The following UBE2H variants were observed in gnomAD, a reference collection of about 807,000 sequenced individuals.
The protein encoded by UBE2H is ubiquitin-conjugating enzyme E2 H.
A neutral mutation model predicts 29.0 loss-of-function variants in UBE2H; 3 were observed. The observed-to-expected ratio is 0.10, with a 90% CI of 0.05 to 0.27. The LOEUF is 0.27. UBE2H is among the 10% of genes least tolerant of loss of function. The probability of loss-of-function intolerance (pLI) is 1.00; values close to 1 mark genes in which losing one functional copy is unlikely to be tolerated. For missense variants in UBE2H, 68 were observed against 228.2 expected, an observed-to-expected ratio of 0.30 and a Z score of 4.52; for synonymous variants, 69 against 82.9, an observed-to-expected ratio of 0.83 and a Z score of 0.91.
chr7:129,838,127 G>A (rs1180147986), intron 6 of UBE2H, among the ~76,000 whole-genome samples: 1 of 152,114 alleles, frequency 6.6e-6, no homozygotes, highest in East Asian at 1.9e-4. Context: ...TGTTTGCTTA[G>A]CTATATATTT....
chr7:129,886,765 G>GTTTTTTTTT (rs1806369492), intron 1 of UBE2H, among the ~76,000 whole-genome samples: 1 of 58,222 alleles, frequency 1.7e-5, no homozygotes, highest in African/African-American at 7.1e-5. Flanking sequence ...TTTGTTTTTT[G>GTTTTTTTTT]GTAAAAAAAA....
chr7:129,835,106 G>C (rs781253458), intron 6 of UBE2H, 45 bp from the exon 7 acceptor site: 9 of 1,611,352 alleles, frequency 5.6e-6, no homozygotes, highest in Non-Finnish European at 7.6e-6. Flanking sequence ...GAGTGGGCAG[G>C]CATGTGCTTT....
intron 1 of UBE2H, among the ~76,000 whole-genome samples, chr7:129,925,668 G>A (rs1584790047): frequency 6.6e-6 from 1 of 152,062 alleles, no homozygotes; most frequent in Admixed American, 6.6e-5. Context: ...TGTGTAGGGA[G>A]GGACACTCAG....
intron 1 of UBE2H, among the ~76,000 whole-genome samples, chr7:129,946,808 A>G (rs1219940558): frequency 6.6e-6 from 1 of 152,172 alleles, no homozygotes; most frequent in African/African-American, 2.4e-5. Context: ...TTATCTTTTT[A>G]CTTTTGAAAT....
intron 1 of UBE2H, among the ~76,000 whole-genome samples, chr7:129,944,515 G>A (rs1186059368): frequency 6.6e-6 from 1 of 152,106 alleles, no homozygotes. Flanking sequence ...CAGCACTTTG[G>A]GAGGCCAAGG....
chr7:129,849,147 T>G (rs1029675484), intron 5 of UBE2H, among the ~76,000 whole-genome samples: 1 of 110,076 alleles, frequency 9.1e-6, no homozygotes, highest in Non-Finnish European at 2.0e-5. Context: ...GCAGTTGTTA[T>G]TTTTGAAAAA....
At chr7:129,873,850 C>T (rs919767803) in intron 3 of UBE2H, among the ~76,000 whole-genome samples, 3 of 152,162 alleles carry the variant, frequency 2.0e-5, no homozygotes, top group Admixed American at 6.6e-5. Context: ...AACCATTTCT[C>T]TTACCTTCCC....
intron 1 of UBE2H, among the ~76,000 whole-genome samples, chr7:129,948,415 A>C (rs1406110244): frequency 6.6e-6 from 1 of 152,212 alleles, no homozygotes; most frequent in Non-Finnish European, 1.5e-5. Flanking sequence ...TTTTAATGTA[A>C]GACACCGTCC....
At position 129,944,744 on chromosome 7, in the gene UBE2H, ACACACACG is replaced by A. The variant is rs1316118485; in HGVS notation, c.53+7751_53+7758del. On this transcript the variant is annotated intron_variant, in intron 1 of 6. Transcript: ENST00000355621. ...CACACACACACACACACACACACACACACACACGCACGCACGCACGCGCATGCGCAAAC... is the reference window on the plus strand; with the variant it reads ...CACACACACACACACACACACACACACACGCACGCACGCGCATGCGCAAAC... Among the ~76,000 whole-genome samples the A allele has an allele frequency of 2.4e-3, 338 of 138,588 alleles. 1 individual carries two copies. The highest frequency in any genetic ancestry group is 8.4e-3 in the African/African-American group (319 of 37,952). 90.9% of individuals were successfully genotyped at this position (138,588 alleles called of 152,430 possible).
intron 1 of UBE2H, among the ~76,000 whole-genome samples, chr7:129,882,246 T>C (rs1337933813): frequency 6.6e-6 from 1 of 152,170 alleles, no homozygotes; most frequent in East Asian, 1.9e-4. Context: ...TGATTCTCAG[T>C]AGGAATTTTA....
intron 1 of UBE2H, among the ~76,000 whole-genome samples, chr7:129,934,432 G>A (rs1246655796): frequency 1.3e-5 from 2 of 151,940 alleles, no homozygotes; most frequent in African/African-American, 4.8e-5. Flanking sequence ...GAGGTCAGGA[G>A]TTCAAGACCA....
intron 3 of UBE2H, among the ~76,000 whole-genome samples, chr7:129,873,261 C>T (rs886893985): frequency 1.3e-5 from 2 of 151,816 alleles, no homozygotes; most frequent in African/African-American, 4.8e-5. Context: ...CCTCGTGATC[C>T]ACCCGCCTCA....
chr7:129,855,405 C>G (rs1434921041), intron 5 of UBE2H, among the ~76,000 whole-genome samples: 1 of 152,172 alleles, frequency 6.6e-6, no homozygotes, highest in Non-Finnish European at 1.5e-5. Flanking sequence ...TTCCAGGCAG[C>G]CTGCCATGAG....
At chr7:129,840,758 G>A (rs1172626979) in intron 5 of UBE2H, among the ~76,000 whole-genome samples, 4 of 152,164 alleles carry the variant, frequency 2.6e-5, no homozygotes, top group Non-Finnish European at 5.9e-5. Flanking sequence ...TGTTTCTGGA[G>A]ACAATGCTGA....
intron 1 of UBE2H, among the ~76,000 whole-genome samples, chr7:129,883,101 G>T (rs144976224): frequency 2.2e-3 from 329 of 152,306 alleles, no homozygotes; most frequent in Admixed American, 7.1e-3. Context: ...AGTTTAAAAA[G>T]ATATTTCTTC....
intron 1 of UBE2H, among the ~76,000 whole-genome samples, chr7:129,909,804 G>A (rs1806893392): frequency 6.6e-6 from 1 of 152,150 alleles, no homozygotes; most frequent in Non-Finnish European, 1.5e-5. Context: ...ACAGTTCTAG[G>A]ATCTAGGGAC....
rs1225177558 is a variant in UBE2H at position 129,833,377 on chromosome 7, T to C, written c.*1560A>G. On this transcript the variant is annotated 3_prime_UTR_variant, in exon 7 of 7. Coordinates refer to ENST00000355621, the MANE Select transcript of UBE2H (RefSeq NM_003344.4). ...CAGTGGGATGCTCAAAAATCGTCTT[T>C]AGAAGGTTTTAGGATTGGCTAATTC... 1 of 152,548 alleles carries C rather than the reference T, an allele frequency of 6.6e-6. No individual in the cohort carries two copies. Among genetic ancestry groups the C allele is most frequent in the African/African-American group, 2.4e-5 (1 of 41,460 alleles). 9.4% of individuals were successfully genotyped at this position (152,548 alleles called of 1,614,324 possible).
chr7:129,935,381 C>A (rs1243313438), intron 1 of UBE2H, among the ~76,000 whole-genome samples: 1 of 150,128 alleles, frequency 6.7e-6, no homozygotes, highest in Non-Finnish European at 1.5e-5. Flanking sequence ...CCACTGCACT[C>A]CAGCCTGGGC....
chr7:129,926,366 C>G (rs1006832563), intron 1 of UBE2H, among the ~76,000 whole-genome samples: 1 of 151,776 alleles, frequency 6.6e-6, no homozygotes, highest in Non-Finnish European at 1.5e-5. Flanking sequence ...AAAATTAGCC[C>G]AGTGTGGTGG....
Sources: gnomAD v4.1 joint callset for allele counts (sites outside exome capture counted in the v4.1 genomes callset) on GRCh38, gnomAD v4.1.1 for gene constraint, MANE v1.5 for transcripts, NCBI Gene and HGNC (gene_info 2026-07-23, HGNC 2026-07-21) for gene names.